The following SHANK2 variants were observed in gnomAD, a reference collection of about 807,000 sequenced individuals.
SHANK2 encodes the protein SH3 and multiple ankyrin repeat domains protein 2.
In SHANK2, 43 loss-of-function variants were observed where a neutral mutation model predicts 133.7. The ratio of observed to expected loss-of-function variants is 0.32; its 90% CI spans 0.25 to 0.41. The LOEUF (loss-of-function observed/expected upper bound fraction) is 0.41, where lower values mean the gene tolerates loss of function less well. Among genes scored for constraint, SHANK2 ranks in the 10% least tolerant of loss-of-function variants. The pLI is 1.00. For synonymous variants in SHANK2, 1,017 were observed against 952.8 expected (o/e 1.07, Z -1.24); for missense variants, 1,994 against 2,235.8 (o/e 0.89, Z 2.18).
At chr11:70,946,762 A>G (rs566545809) in intron 10 of SHANK2, among the ~76,000 whole-genome samples, 39 of 85,322 alleles carry the variant, frequency 4.6e-4, no homozygotes, top group Non-Finnish European at 2.4e-5. Context: ...CCACTAACCA[A>G]CCCTTCCCAG....
intron 10 of SHANK2, among the ~76,000 whole-genome samples, chr11:70,937,775 T>C (rs556406167): frequency 2.0e-5 from 3 of 152,212 alleles, no homozygotes; most frequent in South Asian, 2.1e-4. Flanking sequence ...GTGTTGTCCC[T>C]GTTTACTCAG....
chr11:70,614,311 G>C (rs1445385995), intron 17 of SHANK2, among the ~76,000 whole-genome samples: 1 of 115,780 alleles, frequency 8.6e-6, no homozygotes, highest in African/African-American at 3.0e-5. Flanking sequence ...ACAGTCTGTG[G>C]GTTTTGTTTT....
At position 70,599,905 on chromosome 11, in the gene SHANK2, G is replaced by GAAAAAGAAAGAAAGAGAA. The variant is rs1466206835; in HGVS notation, c.2061+59922_2061+59923insTTCTCTTTCTTTCTTTTT. 4.1e-3 allele frequency among the ~76,000 whole-genome samples: 301 copies of GAAAAAGAAAGAAAGAGAA among 73,680 alleles called. 6 individuals carry two copies. Among genetic ancestry groups the GAAAAAGAAAGAAAGAGAA allele is most frequent in the East Asian group, 9.3e-3 (17 of 1,824 alleles). 48.3% of individuals were successfully genotyped at this position (73,680 alleles called of 152,430 possible). ...AAAGAAAGAAAAAGAAAGAAAGAAA[G>GAAAAAGAAAGAAAGAGAA]AGAAAGAAAGAAAGAAAGAAAGAAA... On this transcript the variant is annotated intron_variant, in intron 17 of 25. Transcript: ENST00000601538.
intron 14 of SHANK2, among the ~76,000 whole-genome samples, chr11:70,703,544 A>C (rs1945589952): frequency 6.6e-6 from 1 of 152,104 alleles, no homozygotes; most frequent in Non-Finnish European, 1.5e-5. Flanking sequence ...CTTGCTGTGC[A>C]CTGCGCTGAG....
chr11:70,905,979 T>C (rs1555077893), intron 10 of SHANK2, among the ~76,000 whole-genome samples: 1 of 151,976 alleles, frequency 6.6e-6, no homozygotes, highest in African/African-American at 2.4e-5. Context: ...GCCCGGCTAA[T>C]TTTTTGTATT....
chr11:71,217,278 G>A (rs532696925), intron 2 of SHANK2, among the ~76,000 whole-genome samples: 1 of 152,184 alleles, frequency 6.6e-6, no homozygotes, highest in African/African-American at 2.4e-5. Context: ...TGCCAAGGCA[G>A]GTGGATCACT....
chr11:70,530,804 AGTTCT>A (rs1554973018), intron 17 of SHANK2, among the ~76,000 whole-genome samples: 2 of 152,102 alleles, frequency 1.3e-5, no homozygotes, highest in African/African-American at 2.4e-5. Flanking sequence ...GAAGATGGAA[AGTTCT>A]GAGATGGATA....
At chr11:70,528,799 G>A (rs2059431736) in intron 17 of SHANK2, among the ~76,000 whole-genome samples, 1 of 151,950 alleles carries the variant, frequency 6.6e-6, no homozygotes, top group Non-Finnish European at 1.5e-5. Flanking sequence ...GTGAAGGGGG[G>A]TCCGTGGCAG....
intron 9 of SHANK2, among the ~76,000 whole-genome samples, chr11:71,063,301 A>T (rs1951010139): frequency 6.6e-6 from 1 of 152,146 alleles, no homozygotes; most frequent in African/African-American, 2.4e-5. Flanking sequence ...ACCCATTACC[A>T]CGTGTTTCCC....
Position 71,220,550 on chromosome 11 carries a change from C to T in SHANK2, c.-13+4147G>A, listed in dbSNP as rs114190243. 5.0e-3 allele frequency among the ~76,000 whole-genome samples: 756 copies of T among 152,270 alleles called. 3 individuals are homozygous for T. Among genetic ancestry groups the T allele is most frequent in the African/African-American group, 0.017 (724 of 41,554 alleles). On this transcript the variant is annotated intron_variant, in intron 2 of 25. Coordinates refer to ENST00000601538, the MANE Select transcript of SHANK2 (RefSeq NM_012309.5). Reference sequence around the variant, plus strand: ...AACCCAGTGTCCACCACTGGATGAACGCATAAACAAGGTGTGGTCCATTCA... The same window carrying T: ...AACCCAGTGTCCACCACTGGATGAATGCATAAACAAGGTGTGGTCCATTCA...
chr11:71,124,419 T>C lies in SHANK2; in HGVS notation c.208-5387A>G, dbSNP rs561761171. On this transcript the variant is annotated intron_variant, in intron 3 of 25. Coordinates refer to ENST00000601538, the MANE Select transcript of SHANK2 (RefSeq NM_012309.5). The stretch of plus-strand genomic sequence containing the variant: ...ATGATGGTGATGACAGTGATAATGA[T>C]AACCATGACACAGTGATGATTACCA... Among the ~76,000 whole-genome samples, 442 of 151,402 alleles carry C rather than the reference T, an allele frequency of 2.9e-3. 3 individuals carry two copies. Among genetic ancestry groups the C allele is most frequent in the African/African-American group, 9.3e-3 (383 of 41,212 alleles).
chr11:70,917,621 C>T (rs566918539), intron 10 of SHANK2, among the ~76,000 whole-genome samples: 3 of 152,162 alleles, frequency 2.0e-5, no homozygotes, highest in South Asian at 4.1e-4. Flanking sequence ...CCATCAGTGA[C>T]AGACTGGATC....
At chr11:70,682,397 T>C (rs559737927) in intron 15 of SHANK2, among the ~76,000 whole-genome samples, 5 of 152,280 alleles carry the variant, frequency 3.3e-5, no homozygotes, top group African/African-American at 1.2e-4. Flanking sequence ...ACAATGATGT[T>C]GCAAAGGCTG....
At chr11:70,863,337 T>C (rs1555068208) in intron 11 of SHANK2, 1 of 458,196 alleles carries the variant, frequency 2.2e-6, no homozygotes, top group Non-Finnish European at 4.4e-6. Context: ...AGTGCCCAGA[T>C]GCCGGCTCCC....
chr11:71,082,943 G>GCC (rs1256897794), intron 8 of SHANK2, among the ~76,000 whole-genome samples: 121 of 115,946 alleles, frequency 1.0e-3, no homozygotes, highest in African/African-American at 3.5e-3. Flanking sequence ...CTTAACGCCC[G>GCC]CCCCCCCCCC....
intron 17 of SHANK2, among the ~76,000 whole-genome samples, chr11:70,532,646 A>G (rs1428823746): frequency 6.6e-6 from 1 of 152,188 alleles, no homozygotes; most frequent in African/African-American, 2.4e-5. Flanking sequence ...TGGAAAAAAA[A>G]AAAAAAGCAT....
At chr11:70,898,675 T>C (rs1555076223) in intron 10 of SHANK2, among the ~76,000 whole-genome samples, 2 of 152,224 alleles carry the variant, frequency 1.3e-5, no homozygotes, top group Middle Eastern at 3.2e-3. Flanking sequence ...TGGATCCTCC[T>C]GACTGCTTAT....
intron 17 of SHANK2, among the ~76,000 whole-genome samples, chr11:70,571,643 G>C (rs2060046798): frequency 6.6e-6 from 1 of 152,114 alleles, no homozygotes; most frequent in Non-Finnish European, 1.5e-5. Flanking sequence ...TCTGTCCTTG[G>C]GGCAGAACCA....
intron 17 of SHANK2, among the ~76,000 whole-genome samples, chr11:70,516,505 GAC>G (rs2059268167): frequency 6.6e-6 from 1 of 152,172 alleles, no homozygotes; most frequent in South Asian, 2.1e-4. Flanking sequence ...GCAAAACTAT[GAC>G]ACTTCTAGAA....
Sources: gnomAD v4.1 joint callset for allele counts (sites outside exome capture counted in the v4.1 genomes callset) on GRCh38, gnomAD v4.1.1 for gene constraint, MANE v1.5 for transcripts, NCBI Gene and HGNC (gene_info 2026-07-23, HGNC 2026-07-21) for gene names.